Variants in PTGER4 observed in about 807,000 individuals in gnomAD.
PTGER4 encodes the protein prostaglandin E2 receptor EP4 subtype.
PTGER4 carries 11 observed loss-of-function variants against 33.2 expected under a neutral mutation model. The ratio of observed to expected loss-of-function variants is 0.33; its 90% CI spans 0.21 to 0.55. The LOEUF (loss-of-function observed/expected upper bound fraction) is 0.55. Ranked by LOEUF, PTGER4 falls within the 20% of genes least tolerant of loss-of-function variation. PTGER4 has a pLI of 0.92. For synonymous variants in PTGER4, 275 were observed against 281.5 expected (o/e 0.98, Z 0.23); for missense variants, 481 against 650.2 (o/e 0.74, Z 2.83).
At chr5:40,708,257 A>G in the PTGER4 span, among the ~76,000 whole-genome samples, 1 of 152,164 alleles carries the variant, frequency 6.6e-6, no homozygotes, top group African/African-American at 2.4e-5. Context: ...GCTTTTTGAA[A>G]AGATCAACAG....
the PTGER4 span, among the ~76,000 whole-genome samples, chr5:40,744,299 C>T: frequency 5.0e-3 from 759 of 152,158 alleles, 8 homozygotes; most frequent in African/African-American, 0.017. Flanking sequence ...TATTTTCCAC[C>T]CTTTATTCCC....
chr5:40,712,130 T>G, the PTGER4 span, among the ~76,000 whole-genome samples: 1 of 152,164 alleles, frequency 6.6e-6, no homozygotes, highest in African/African-American at 2.4e-5. Flanking sequence ...CATTTCACAT[T>G]CTTCCCTTCC....
At chr5:40,735,213 T>C in the PTGER4 span, among the ~76,000 whole-genome samples, 4 of 152,334 alleles carry the variant, frequency 2.6e-5, no homozygotes, top group South Asian at 6.2e-4. Flanking sequence ...CCACAGAGTT[T>C]TTATACAACA....
chr5:40,746,434 C>T, the PTGER4 span, among the ~76,000 whole-genome samples: 2 of 151,982 alleles, frequency 1.3e-5, no homozygotes. Flanking sequence ...GCCTAATTTA[C>T]CTGATACATA....
the PTGER4 span, among the ~76,000 whole-genome samples, chr5:40,729,690 A>T: frequency 6.6e-6 from 1 of 151,962 alleles, no homozygotes; most frequent in African/African-American, 2.4e-5. Flanking sequence ...CTTTTTATTT[A>T]TTTTTTATTT....
the PTGER4 span, among the ~76,000 whole-genome samples, chr5:40,723,560 A>G: frequency 3.0e-4 from 46 of 152,122 alleles, 1 homozygote; most frequent in African/African-American, 1.0e-3. Flanking sequence ...TAAAATGGGT[A>G]TTATCACACA....
At chr5:40,739,911 T>C in the PTGER4 span, among the ~76,000 whole-genome samples, 1 of 152,160 alleles carries the variant, frequency 6.6e-6, no homozygotes, top group African/African-American at 2.4e-5. Flanking sequence ...CAATTTTAGA[T>C]TTGGGAATAA....
chr5:40,681,765 C>T lies in PTGER4; in HGVS notation c.772C>T (p.Arg258Trp), dbSNP rs749983266. Residue 258 changes from arginine to tryptophan, a missense_variant, in exon 2 of 3, where the codon CGG becomes TGG. Arg to Trp is a moderately radical substitution (Grantham distance 101). This residue lies in a region of PTGER4 where 174 missense variants were observed against 210.5 expected (regional missense o/e 0.83). Coordinates refer to ENST00000302472, the MANE Select transcript of PTGER4 (RefSeq NM_000958.3). This position sits in a 1 kb window ranked among gnomAD's most constrained non-coding sequence, Gnocchi z 9.8. ...LPRLSDFRRR[R>W]SFRRIAGAEI... ...GCGCCTCAGCGACTTTCGGCGCCGC[C>T]GGAGCTTCCGCCGCATCGCGGGCGC... 1 of 1,595,902 alleles carries T rather than the reference C, an allele frequency of 6.3e-7. No homozygotes were observed. Among genetic ancestry groups the T allele is most frequent in the African/African-American group, 1.4e-5 (1 of 72,578 alleles).
At chr5:40,730,755 CA>C in the PTGER4 span, among the ~76,000 whole-genome samples, 2 of 152,070 alleles carry the variant, frequency 1.3e-5, no homozygotes, top group Admixed American at 1.3e-4. Context: ...TTAAGTCCAG[CA>C]ACTTACTAAA....
chr5:40,685,590 G>A, intron 2 of PTGER4: 1 of 270,842 alleles, frequency 3.7e-6, no homozygotes, highest in Non-Finnish European at 5.7e-6. Context: ...ACATGCAATT[G>A]CAGACCCAGT....
At chr5:40,718,686 C>T in the PTGER4 span, among the ~76,000 whole-genome samples, 48,617 of 151,614 alleles carry the variant, frequency 0.32, 8,246 homozygotes, top group East Asian at 0.56. Context: ...TGCAGTGAGC[C>T]GAGATTGCAC....
rs1346476705 is a variant in PTGER4, at chr5:40,683,110, A to G, written c.867+1250A>G. On this transcript the variant is annotated intron_variant, in intron 2 of 2. Coordinates refer to ENST00000302472, the MANE Select transcript of PTGER4 (RefSeq NM_000958.3). This position sits in a 1 kb window ranked among gnomAD's most constrained non-coding sequence, Gnocchi z 4.2. ...ACTGCATTCCTGGAAATTCTAAACT[A>G]CCAACTCAAAAAGAGATAACTGCTT... Among the ~76,000 whole-genome samples the G allele has an allele frequency of 2.0e-5, 3 of 152,218 alleles. No individual in the cohort carries two copies. Among genetic ancestry groups the G allele is most frequent in the African/African-American group, 7.2e-5 (3 of 41,452 alleles).
the PTGER4 span, among the ~76,000 whole-genome samples, chr5:40,741,043 A>G: frequency 6.6e-6 from 1 of 151,896 alleles, no homozygotes; most frequent in African/African-American, 2.4e-5. Context: ...TCCATCATCT[A>G]TGTTATTTCT....
downstream of PTGER4, among the ~76,000 whole-genome samples, chr5:40,697,234 GAAAGAAAGAAAGAAAGAA>G (rs1467297636): frequency 0.04 from 2,936 of 73,598 alleles, 113 homozygotes; most frequent in South Asian, 0.12. Flanking sequence ...AGAAAAGAAA[GAAAGAAAGAAAGAAAGAA>G]AGAAAGAAAG....
At chr5:40,704,346 G>C in the PTGER4 span, among the ~76,000 whole-genome samples, 1 of 152,106 alleles carries the variant, frequency 6.6e-6, no homozygotes. Context: ...AAAATAGTAA[G>C]AGCCATCTAT....
the PTGER4 span, among the ~76,000 whole-genome samples, chr5:40,708,620 C>A: frequency 6.6e-6 from 1 of 152,198 alleles, no homozygotes; most frequent in Non-Finnish European, 1.5e-5. Flanking sequence ...GGAGCTGGTA[C>A]CATTCCTTCT....
At chr5:40,737,237 C>T in the PTGER4 span, among the ~76,000 whole-genome samples, 2 of 150,864 alleles carry the variant, frequency 1.3e-5, no homozygotes, top group African/African-American at 4.9e-5. Context: ...GTGGAGATTG[C>T]AATGAGACAA....
Position 40,681,815 on chromosome 5 carries a change from C to A in PTGER4, c.822C>A (p.Leu274=). 6.3e-7 allele frequency: 1 copy of A among 1,583,154 alleles called. No individual in the cohort carries two copies. The highest frequency in any genetic ancestry group is 8.6e-7 in the Non-Finnish European group (1 of 1,168,604). ...AGAEIQMVIL[L]IATSLVVLIC... is the part of the protein sequence containing the mutation. ...CCGAGATCCAGATGGTCATCTTACTCATTGCCACCTCCCTGGTGGTGCTCA... is the reference window on the plus strand; with the variant it reads ...CCGAGATCCAGATGGTCATCTTACTAATTGCCACCTCCCTGGTGGTGCTCA... Residue 274 remains leucine, a synonymous_variant, in exon 2 of 3, where the codon CTC becomes CTA. Coordinates refer to ENST00000302472, the MANE Select transcript of PTGER4 (RefSeq NM_000958.3). This position sits in a 1 kb window ranked among gnomAD's most constrained non-coding sequence, Gnocchi z 9.8.
chr5:40,695,206 T>C (rs1741562849), downstream of PTGER4, among the ~76,000 whole-genome samples: 1 of 152,140 alleles, frequency 6.6e-6, no homozygotes, highest in South Asian at 2.1e-4. Flanking sequence ...GGTCAAGAGT[T>C]CGAGACCAGG....
Sources: gnomAD v4.1 joint callset for allele counts (sites outside exome capture counted in the v4.1 genomes callset) on GRCh38, gnomAD v4.1.1 for gene constraint, gnomAD v4.1.1 regional missense constraint, Gnocchi (gnomAD v3.1) non-coding constraint, MANE v1.5 for transcripts, NCBI Gene and HGNC (gene_info 2026-07-23, HGNC 2026-07-21) for gene names.